Variants in SDK1 observed in about 807,000 individuals in gnomAD.
SDK1 encodes sidekick cell adhesion molecule 1.
Under a neutral mutation model 245.5 loss-of-function variants are expected in SDK1, and 157 were observed. The observed-to-expected ratio is 0.64, with a 90% CI of 0.56 to 0.73. The LOEUF is 0.73. SDK1 is among the 30% of genes least tolerant of loss of function. SDK1 has a pLI of 0.00. For synonymous variants in SDK1, 1,647 were observed against 1,278.5 expected, an observed-to-expected ratio of 1.29 and a Z score of -6.15; for missense variants, 3,583 against 3,002.3, an observed-to-expected ratio of 1.19 and a Z score of -4.52.
chr7:3,474,091 G>GTTTTTTTTTTTTTTTTTTTTT (rs869083123), intron 1 of SDK1, among the ~76,000 whole-genome samples: 1 of 43,212 alleles, frequency 2.3e-5, no homozygotes, highest in Non-Finnish European at 3.9e-5. Flanking sequence ...ACCAGATGGT[G>GTTTTTTTTTTTTTTTTTTTTT]TTTTTTTTTT....
chr7:3,379,662 G>C (rs1781437295), intron 1 of SDK1, among the ~76,000 whole-genome samples: 1 of 152,170 alleles, frequency 6.6e-6, no homozygotes, highest in South Asian at 2.1e-4. Context: ...AGTAACCTCA[G>C]AGAATAATGA....
intron 1 of SDK1, among the ~76,000 whole-genome samples, chr7:3,425,150 A>T (rs1045416786): frequency 6.6e-6 from 1 of 151,140 alleles, no homozygotes; most frequent in Non-Finnish European, 1.5e-5. Flanking sequence ...GACAAATTGT[A>T]AGAACTACAA....
chr7:3,599,114 T>A (rs1042572586), intron 1 of SDK1, among the ~76,000 whole-genome samples: 1 of 127,436 alleles, frequency 7.8e-6, no homozygotes, highest in Admixed American at 8.7e-5. Flanking sequence ...TTTTTTTTTT[T>A]TACATCCTCA....
chr7:3,550,812 C>G (rs912571351), intron 1 of SDK1, among the ~76,000 whole-genome samples: 21 of 152,058 alleles, frequency 1.4e-4, no homozygotes, highest in Non-Finnish European at 2.6e-4. Context: ...CTTCTATTTT[C>G]ATGTTTTGAT....
rs1002384637 is a variant in SDK1 at position 3,514,129 on chromosome 7, G to A, written c.299-104951G>A. ...AAAGAAGAGAGGGACGACAAGACAG[G>A]TTATCAGTGTTTCAGAGCAAATGTC... On this transcript the variant is annotated intron_variant, in intron 1 of 44. Transcript: ENST00000404826. Among the ~76,000 whole-genome samples the A allele has an allele frequency of 1.6e-3, 248 of 152,236 alleles. 2 individuals carry two copies. Among genetic ancestry groups the A allele is most frequent in the African/African-American group, 5.8e-3 (242 of 41,546 alleles).
chr7:3,573,717 G>A (rs1226762351), intron 1 of SDK1, among the ~76,000 whole-genome samples: 3 of 152,008 alleles, frequency 2.0e-5, no homozygotes, highest in Admixed American at 6.5e-5. Flanking sequence ...AAAGCTGGAG[G>A]CTTTCTGGGA....
At chr7:4,239,370 C>T (rs576139002) in intron 42 of SDK1, among the ~76,000 whole-genome samples, 11 of 152,166 alleles carry the variant, frequency 7.2e-5, no homozygotes, top group Non-Finnish European at 1.2e-4. Context: ...TGTCTCTCTA[C>T]GTGGACGGTA....
chr7:3,403,506 C>G (rs991906048), intron 1 of SDK1, among the ~76,000 whole-genome samples: 5 of 151,754 alleles, frequency 3.3e-5, no homozygotes, highest in African/African-American at 1.2e-4. Flanking sequence ...TTTGTTCTAA[C>G]CGAAAGAGGG....
At chr7:3,992,948 T>A (rs1454296931) in intron 14 of SDK1, among the ~76,000 whole-genome samples, 1 of 152,204 alleles carries the variant, frequency 6.6e-6, no homozygotes, top group African/African-American at 2.4e-5. Flanking sequence ...CCGTTTTGCA[T>A]CTATTTATAA....
intron 1 of SDK1, among the ~76,000 whole-genome samples, chr7:3,465,893 C>T (rs1780985149): frequency 6.6e-6 from 1 of 152,172 alleles, no homozygotes; most frequent in South Asian, 2.1e-4. Context: ...ATAAACTACA[C>T]CTAAGGCGTT....
intron 1 of SDK1, among the ~76,000 whole-genome samples, chr7:3,502,656 C>G (rs1042571518): frequency 6.6e-6 from 1 of 152,114 alleles, no homozygotes; most frequent in Non-Finnish European, 1.5e-5. Context: ...TGTAAGTATA[C>G]ACTTATATTT....
chr7:4,129,625 G>T, intron 26 of SDK1: 1 of 1,280,196 alleles, frequency 7.8e-7, no homozygotes, highest in East Asian at 3.4e-5. Context: ...GGTTGGCATG[G>T]CTGCAGTTGG....
intron 4 of SDK1, among the ~76,000 whole-genome samples, chr7:3,820,948 A>G (rs1329713039): frequency 1.3e-5 from 2 of 152,266 alleles, no homozygotes; most frequent in Non-Finnish European, 2.9e-5. Flanking sequence ...GAAGGGGGGC[A>G]GCACTGTGCC....
At chr7:4,151,523 G>T (rs1438032803) in intron 30 of SDK1, among the ~76,000 whole-genome samples, 2 of 152,198 alleles carry the variant, frequency 1.3e-5, no homozygotes, top group Non-Finnish European at 2.9e-5. Flanking sequence ...AGGAAAACGA[G>T]GCTGCAGCAG....
At chr7:3,749,445 G>A (rs1021802454) in intron 4 of SDK1, among the ~76,000 whole-genome samples, 6 of 152,158 alleles carry the variant, frequency 3.9e-5, no homozygotes, top group African/African-American at 4.8e-5. Context: ...GATTACAGGC[G>A]TGTACCACCA....
At position 3,479,051 on chromosome 7, in the gene SDK1, A is replaced by G. The variant is rs538573779; in HGVS notation, c.299-140029A>G. On this transcript the variant is annotated intron_variant, in intron 1 of 44. Coordinates refer to ENST00000404826, the MANE Select transcript of SDK1 (RefSeq NM_152744.4). ...TTGAGGTGTATTAAACTGATTGTTT[A>G]GAACTTGTTGAGACTGACTTCATGG... is the stretch of plus-strand genomic sequence containing the variant. Among the ~76,000 whole-genome samples, 8 of 152,348 alleles carry G rather than the reference A, an allele frequency of 5.3e-5. 1 individual carries two copies. The highest frequency in any genetic ancestry group is 1.9e-4 in the African/African-American group (8 of 41,586).
At chr7:3,957,755 A>G (rs549522228) in intron 7 of SDK1, among the ~76,000 whole-genome samples, 1 of 152,232 alleles carries the variant, frequency 6.6e-6, no homozygotes, top group Admixed American at 6.5e-5. Flanking sequence ...GAGTTGTGCA[A>G]TGAAGATGAG....
chr7:3,679,618 G>A (rs946466499), intron 4 of SDK1, among the ~76,000 whole-genome samples: 2 of 152,172 alleles, frequency 1.3e-5, no homozygotes. Flanking sequence ...TCATGGAAGA[G>A]GATATACAGA....
chr7:3,719,251 T>G (rs958796583), intron 4 of SDK1, among the ~76,000 whole-genome samples: 15 of 151,998 alleles, frequency 9.9e-5, no homozygotes, highest in Non-Finnish European at 1.6e-4. Context: ...AAGGTTTTTT[T>G]TTTTTTTTTT....
Sources: gnomAD v4.1 joint callset for allele counts (sites outside exome capture counted in the v4.1 genomes callset) on GRCh38, gnomAD v4.1.1 for gene constraint, MANE v1.5 for transcripts, NCBI Gene and HGNC (gene_info 2026-07-23, HGNC 2026-07-21) for gene names.